Variants in NEDD4L observed in about 807,000 individuals in gnomAD.
NEDD4L encodes NEDD4 like E3 ubiquitin protein ligase.
Under a neutral mutation model 148.9 loss-of-function variants are expected in NEDD4L, and 54 were observed. The observed-to-expected ratio is 0.36, with a 90% CI of 0.29 to 0.45. NEDD4L has a LOEUF of 0.45. Among genes scored for constraint, NEDD4L ranks in the 20% least tolerant of loss-of-function variants. The probability of loss-of-function intolerance (pLI) is 1.00; values close to 1 mark genes in which losing one functional copy is unlikely to be tolerated. For synonymous variants in NEDD4L, 433 were observed against 440.7 expected, an observed-to-expected ratio of 0.98 and a Z score of 0.22; for missense variants, 856 against 1,233.8, an observed-to-expected ratio of 0.69 and a Z score of 4.59.
intron 1 of NEDD4L, among the ~76,000 whole-genome samples, chr18:58,151,991 G>C (rs1408713651): frequency 2.0e-5 from 3 of 152,142 alleles, no homozygotes; most frequent in African/African-American, 7.2e-5. Flanking sequence ...CCATAGGATA[G>C]AAAGGCACAG....
chr18:58,181,013 A>G (rs2038806287), intron 2 of NEDD4L, among the ~76,000 whole-genome samples: 1 of 152,212 alleles, frequency 6.6e-6, no homozygotes. Flanking sequence ...AGTCGATTGG[A>G]GTTCTTTTTC....
Position 58,341,051 on chromosome 18 carries a change from A to G in NEDD4L, c.1139A>G (p.Tyr380Cys), listed in dbSNP as rs753954381. The change falls in exon 14 of 31, where the codon TAT becomes TGT. Residue 380 changes from tyrosine to cysteine, a missense_variant. Coordinates refer to ENST00000400345, the MANE Select transcript of NEDD4L (RefSeq NM_001144967.3). ...GGEEPTPSVAYVHTTPGLPSG... is the reference protein window; with the variant it reads ...GGEEPTPSVACVHTTPGLPSG... ...TTGCACAAACAGCCATCAGTGGCCT[A>G]TGTACATACCACGCCGGGTCTGCCT... 2.5e-6 allele frequency: 4 copies of G among 1,610,208 alleles called. No individual in the cohort carries two copies. Among genetic ancestry groups the G allele is most frequent in the Non-Finnish European group, 3.4e-6 (4 of 1,178,324 alleles).
At chr18:58,318,039 G>A (rs1056559851) in intron 6 of NEDD4L, among the ~76,000 whole-genome samples, 1 of 152,216 alleles carries the variant, frequency 6.6e-6, no homozygotes, top group African/African-American at 2.4e-5. Context: ...GTGCTTTCGT[G>A]TGTATGTTTG....
intron 1 of NEDD4L, among the ~76,000 whole-genome samples, chr18:58,119,176 C>T (rs768330795): frequency 6.6e-6 from 1 of 152,202 alleles, no homozygotes; most frequent in Admixed American, 6.5e-5. Context: ...ACCCCTCATG[C>T]CCCACCTTCC....
chr18:58,260,675 A>ATG (rs781277134), intron 5 of NEDD4L, among the ~76,000 whole-genome samples: 3 of 152,196 alleles, frequency 2.0e-5, no homozygotes, highest in African/African-American at 7.2e-5. Flanking sequence ...ATGTGTATTT[A>ATG]TGTGTGTGTG....
intron 1 of NEDD4L, among the ~76,000 whole-genome samples, chr18:58,164,035 C>CTTT (rs34380629): frequency 7.0e-6 from 1 of 142,338 alleles, no homozygotes; most frequent in Non-Finnish European, 1.5e-5. Context: ...CATCCTGAGC[C>CTTT]TTTTTTTTTT....
At chr18:58,106,192 T>A (rs1403819086) in intron 1 of NEDD4L, among the ~76,000 whole-genome samples, 2 of 152,222 alleles carry the variant, frequency 1.3e-5, no homozygotes, top group Non-Finnish European at 1.5e-5. Flanking sequence ...CCTGGGACAC[T>A]GCCCAAATCA....
At chr18:58,082,845 C>A (rs1306702029) in intron 1 of NEDD4L, among the ~76,000 whole-genome samples, 3 of 150,980 alleles carry the variant, frequency 2.0e-5, no homozygotes, top group Non-Finnish European at 1.5e-5. Flanking sequence ...AGCGTCCCAT[C>A]GTGTGGATGT....
rs181196553 is a variant in NEDD4L at position 58,231,531 on chromosome 18, A to G, written c.123-13896A>G. Among the ~76,000 whole-genome samples the G allele has an allele frequency of 1.6e-3, 243 of 151,980 alleles. No individual in the cohort carries two copies. The Middle Eastern group carries it at 0.024, about 15-fold the overall frequency. On this transcript the variant is annotated intron_variant, in intron 2 of 30. Coordinates refer to ENST00000400345, the MANE Select transcript of NEDD4L (RefSeq NM_001144967.3). Reference sequence around the variant, plus strand: ...GAAGATACTAGATTGACCTGTTTGGAAAACCAAACAGATGTGGCTGTTATT... The same window carrying G: ...GAAGATACTAGATTGACCTGTTTGGGAAACCAAACAGATGTGGCTGTTATT...
At chr18:58,326,068 G>A (rs2059282719) in intron 9 of NEDD4L, among the ~76,000 whole-genome samples, 1 of 152,128 alleles carries the variant, frequency 6.6e-6, no homozygotes, top group South Asian at 2.1e-4. Context: ...AAAGAAAGTG[G>A]CTAATGATAC....
chr18:58,235,241 C>A (rs2045865950), intron 2 of NEDD4L, among the ~76,000 whole-genome samples: 1 of 152,104 alleles, frequency 6.6e-6, no homozygotes, highest in Non-Finnish European at 1.5e-5. Flanking sequence ...GGTACATTGA[C>A]CCTGTGAGGC....
rs140688589 is a variant in NEDD4L at position 58,332,903 on chromosome 18, C to T, written c.991-915C>T. On this transcript the variant is annotated intron_variant, in intron 11 of 30. Coordinates refer to ENST00000400345, the MANE Select transcript of NEDD4L (RefSeq NM_001144967.3). ...CAAACAAGTTAGAGGAATATTAAGA[C>T]ACTACACAGTAGATCTTTTTTTTTA... Among the ~76,000 whole-genome samples, 763 of 152,288 alleles carry T rather than the reference C, an allele frequency of 5.0e-3. 5 individuals are homozygous for T. Among genetic ancestry groups the T allele is most frequent in the Non-Finnish European group, 6.3e-3 (432 of 68,032 alleles).
At chr18:58,252,157 ATATGTGCC>A in intron 5 of NEDD4L, 103 bp downstream of exon 5, 1 of 752,530 alleles carries the variant, frequency 1.3e-6, no homozygotes, top group Non-Finnish European at 2.3e-6. Context: ...TTAGGACAGT[ATATGTGCC>A]CAAAAAGAAG....
intron 1 of NEDD4L, among the ~76,000 whole-genome samples, chr18:58,142,512 C>T (rs1029377496): frequency 3.9e-5 from 6 of 152,182 alleles, no homozygotes; most frequent in Non-Finnish European, 7.3e-5. Context: ...ATTTCATAGC[C>T]TGGCAAATAG....
At chr18:58,192,769 G>A (rs7242074) in intron 2 of NEDD4L, among the ~76,000 whole-genome samples, 6,408 of 152,188 alleles carry the variant, frequency 0.042, 444 homozygotes, top group African/African-American at 0.14. Context: ...TGAAGAACAC[G>A]GAGTTCTAGG....
At chr18:58,245,539 TAA>T (rs753179758) in intron 3 of NEDD4L, 31 bp downstream of exon 3, 1 of 1,214,776 alleles carries the variant, frequency 8.2e-7, no homozygotes, top group Non-Finnish European at 1.2e-6. Context: ...AAATGTCATT[TAA>T]GTCATAATTT....
chr18:58,195,768 C>A, intron 2 of NEDD4L: 1 of 1,247,466 alleles, frequency 8.0e-7, no homozygotes, highest in Non-Finnish European at 1.1e-6. Flanking sequence ...CCCTTTATTA[C>A]TCGATTAGTG....
chr18:58,223,245 A>C (rs990469927), intron 2 of NEDD4L, among the ~76,000 whole-genome samples: 2 of 152,162 alleles, frequency 1.3e-5, no homozygotes, highest in Non-Finnish European at 2.9e-5. Context: ...TTGCCTTTTT[A>C]AGTTAAATGA....
At chr18:58,296,764 A>G (rs1007234436) in intron 5 of NEDD4L, among the ~76,000 whole-genome samples, 5 of 152,114 alleles carry the variant, frequency 3.3e-5, no homozygotes, top group African/African-American at 1.2e-4. Context: ...TCTACTAAAA[A>G]TACAAAAATT....
Sources: allele counts gnomAD v4.1 joint callset (sites outside exome capture counted in the v4.1 genomes callset), GRCh38; gene constraint gnomAD v4.1.1; transcripts MANE v1.5; gene names NCBI Gene and HGNC (gene_info 2026-07-23, HGNC 2026-07-21).